Variants in ABCA6 observed in about 807,000 individuals in gnomAD.
ABCA6 encodes ATP binding cassette subfamily A member 6, also known as ATP-binding cassette sub-family A member 6.
In ABCA6, 164 loss-of-function variants were observed where a neutral mutation model predicts 191.2. That is an observed-to-expected ratio of 0.86 (90% CI 0.76 to 0.98). ABCA6 has a LOEUF of 0.98. Ranked by LOEUF, ABCA6 falls within the 50% of genes least tolerant of loss-of-function variation. ABCA6 has a pLI of 0.00. For missense variants in ABCA6, 1,958 were observed against 1,894.1 expected (o/e 1.03, Z -0.63); for synonymous variants, 636 against 647.7 (o/e 0.98, Z 0.27).
intron 13 of ABCA6, 100 bp downstream of exon 13, chr17:69,114,662 A>C: frequency 8.1e-7 from 1 of 1,237,864 alleles, no homozygotes; most frequent in Non-Finnish European, 1.1e-6. Context: ...CCTAAATTTT[A>C]TTCATAACAG....
rs756123933 is a variant in ABCA6 at position 69,088,235 on chromosome 17, G to A, written c.3630C>T (p.Phe1210=). ...GTTCCATGCATCTTAGAACAAAAAC[G>A]AATAGCAAAGTCTGAAAGTAGGGCT... The part of the protein sequence containing the change: ...CFIPYFQTLL[F]VFVLRCMELK... Residue 1210 remains phenylalanine (F), a synonymous_variant, in exon 28 of 39, where the codon TTC becomes TTT. Transcript: ENST00000284425. 22 of 1,610,534 alleles carry A rather than the reference G, an allele frequency of 1.4e-5. No homozygotes were observed. Among genetic ancestry groups the A allele is most frequent in the East Asian group, 4.5e-5 (2 of 44,684 alleles).
intron 6 of ABCA6, among the ~76,000 whole-genome samples, 156 bp from the exon 7 acceptor site, chr17:69,129,907 C>A (rs1331232453): frequency 2.0e-5 from 3 of 152,138 alleles, no homozygotes; most frequent in Non-Finnish European, 4.4e-5. Flanking sequence ...CATTGCATAT[C>A]CTTTTTCAAT....
chr17:69,100,269 T>C (rs1055898021), intron 22 of ABCA6, among the ~76,000 whole-genome samples: 1 of 152,200 alleles, frequency 6.6e-6, no homozygotes, highest in Non-Finnish European at 1.5e-5. Flanking sequence ...AGCCAGACTA[T>C]AGCCAACTGA....
chr17:69,108,352 AC>A, intron 17 of ABCA6: 1 of 153,172 alleles, frequency 6.5e-6, no homozygotes, highest in South Asian at 2.1e-4. Flanking sequence ...AGTGCCCTTG[AC>A]CATTTTCTTC....
Position 69,085,201 on chromosome 17 carries a change from T to C in ABCA6, c.4030-19A>G. 1 of 1,593,020 alleles carries C rather than the reference T, an allele frequency of 6.3e-7. No homozygotes were observed. On this transcript the variant is annotated intron_variant, in intron 31 of 38. Coordinates refer to ENST00000284425, the MANE Select transcript of ABCA6 (RefSeq NM_080284.3). ...GTTCCACCTAAAAAAATAAAAGAGC[T>C]TTAGAAAGGCATGCAGCCTTTATTC...
chr17:69,081,921 G>C (rs1383335919), intron 36 of ABCA6, among the ~76,000 whole-genome samples: 1 of 152,154 alleles, frequency 6.6e-6, no homozygotes, highest in East Asian at 1.9e-4. Context: ...TAATTGATTT[G>C]GGGCATCTTG....
intron 3 of ABCA6, among the ~76,000 whole-genome samples, chr17:69,136,758 G>A (rs937105551): frequency 6.6e-5 from 10 of 152,178 alleles, no homozygotes; most frequent in Middle Eastern, 3.4e-3. Context: ...GCCCATGAAT[G>A]AAATATGCAT....
Position 69,107,778 on chromosome 17 carries a change from C to A in ABCA6, c.2307G>T (p.Gln769His), listed in dbSNP as rs1376357129. 6.2e-7 allele frequency: 1 copy of A among 1,612,270 alleles called. No individual in the cohort carries two copies. Among genetic ancestry groups the A allele is most frequent in the East Asian group, 2.2e-5 (1 of 44,774 alleles). ...LFSDLDKCSD[Q>H]GVTGYDISMS... is the part of the protein sequence containing the mutation. ...TGGAAATGTCATAACCTGTCACTCC[C>A]TGGTCAGAACACTTATCCAGATCAC... The change falls in exon 18 of 39, where the codon CAG becomes CAT. Residue 769 changes from glutamine to histidine, a missense_variant. Gln to His is a conservative substitution (Grantham distance 24, BLOSUM62 0). Transcript: ENST00000284425.
chr17:69,118,713 T>A (rs910462703), intron 10 of ABCA6, among the ~76,000 whole-genome samples: 1 of 152,108 alleles, frequency 6.6e-6, no homozygotes, highest in African/African-American at 2.4e-5. Flanking sequence ...CTTCTCTGTT[T>A]CCTAATAAAG....
At chr17:69,081,034 C>CA in intron 37 of ABCA6, 32 bp downstream of exon 37, 1 of 1,358,526 alleles carries the variant, frequency 7.4e-7, no homozygotes, top group Non-Finnish European at 1.0e-6. Flanking sequence ...GTTGATTCTT[C>CA]AAAAGATTTA....
At chr17:69,109,259 T>C (rs183899931) in intron 17 of ABCA6, 34 of 140,500 alleles carry the variant, frequency 2.4e-4, no homozygotes, top group African/African-American at 9.9e-4. Flanking sequence ...ATTTCCTCAT[T>C]TGTAAGATAG....
At chr17:69,111,688 A>G (rs1052024518) in intron 16 of ABCA6, 6 of 152,542 alleles carry the variant, frequency 3.9e-5, no homozygotes, top group African/African-American at 1.2e-4. Flanking sequence ...TCTTTCCTTT[A>G]TATATTACCC....
At chr17:69,095,239 A>G in intron 25 of ABCA6, 1 of 192,068 alleles carries the variant, frequency 5.2e-6, no homozygotes, top group Non-Finnish European at 1.1e-5. Context: ...GGATAAATGG[A>G]AAGACCTTTT....
At chr17:69,085,536 G>GAA in intron 31 of ABCA6, 89 bp downstream of exon 31, 1 of 583,954 alleles carries the variant, frequency 1.7e-6, no homozygotes, top group Non-Finnish European at 2.5e-6. Context: ...AAAAAAAAAA[G>GAA]AAAAGAAAAA....
chr17:69,093,167 T>C (rs2072967269), intron 25 of ABCA6, among the ~76,000 whole-genome samples: 1 of 152,106 alleles, frequency 6.6e-6, no homozygotes, highest in African/African-American at 2.4e-5. Flanking sequence ...GTTACTAAAT[T>C]TTTTCCTCTA....
intron 26 of ABCA6, among the ~76,000 whole-genome samples, 181 bp from the exon 27 acceptor site, chr17:69,089,723 T>A (rs952540771): frequency 6.6e-6 from 1 of 152,224 alleles, no homozygotes; most frequent in Non-Finnish European, 1.5e-5. Context: ...ACTCTTACTG[T>A]CTCTCAATAA....
At chr17:69,130,194 G>C (rs2073836903) in intron 6 of ABCA6, among the ~76,000 whole-genome samples, 1 of 152,026 alleles carries the variant, frequency 6.6e-6, no homozygotes, top group Non-Finnish European at 1.5e-5. Context: ...GTGCATGCCT[G>C]TAGTCCCAGC....
Position 69,079,195 on chromosome 17 carries a change from A to T in ABCA6, c.4752+15T>A, listed in dbSNP as rs1237424571. On this transcript the variant is annotated intron_variant, in intron 38 of 38. Coordinates refer to ENST00000284425, the MANE Select transcript of ABCA6 (RefSeq NM_080284.3). Reference sequence around the variant, plus strand: ...AAATTTACCAGATGATACAAAGTCAAACCACTTGACTTACCTTCTCCAGTG... The same window carrying T: ...AAATTTACCAGATGATACAAAGTCATACCACTTGACTTACCTTCTCCAGTG... 1.2e-5 allele frequency: 20 copies of T among 1,606,812 alleles called. No homozygotes were observed. Among genetic ancestry groups the T allele is most frequent in the Non-Finnish European group, 1.6e-5 (19 of 1,176,494 alleles).
At chr17:69,113,201 T>C (rs956137074) in intron 15 of ABCA6, 21 bp downstream of exon 15, 1 of 1,595,208 alleles carries the variant, frequency 6.3e-7, no homozygotes, top group Admixed American at 1.8e-5. Context: ...ATGGTAACAC[T>C]GAGATAAAAC....
Sources: allele counts gnomAD v4.1 joint callset (sites outside exome capture counted in the v4.1 genomes callset), GRCh38; gene constraint gnomAD v4.1.1; transcripts MANE v1.5; gene names NCBI Gene and HGNC (gene_info 2026-07-23, HGNC 2026-07-21).